TLK2: variants seen among roughly 807,000 people sequenced by gnomAD.
The protein encoded by TLK2 is tousled like kinase 2.
In TLK2, 6 loss-of-function variants were observed where a neutral mutation model predicts 117.3. The observed-to-expected ratio is 0.05, with a 90% CI of 0.03 to 0.10. TLK2 has a LOEUF of 0.10. Ranked by LOEUF, TLK2 falls within the 10% of genes least tolerant of loss-of-function variation. TLK2 has a pLI of 1.00. For synonymous variants in TLK2, 257 were observed against 316.7 expected, an observed-to-expected ratio of 0.81 and a Z score of 2.00; for missense variants, 299 against 901.2, an observed-to-expected ratio of 0.33 and a Z score of 8.56.
intron 6 of TLK2, among the ~76,000 whole-genome samples, chr17:62,532,251 G>C (rs2076794111): frequency 6.6e-6 from 1 of 151,972 alleles, no homozygotes; most frequent in Non-Finnish European, 1.5e-5. Flanking sequence ...GGGAGACGTT[G>C]GTTCAAACAG....
intron 17 of TLK2, among the ~76,000 whole-genome samples, chr17:62,597,724 A>G (rs182607880): frequency 5.6e-4 from 85 of 152,262 alleles, no homozygotes; most frequent in Non-Finnish European, 8.7e-4. Context: ...TTATAGGTGG[A>G]TTTTGAGGAC....
At chr17:62,559,148 T>A (rs2079067180) in intron 9 of TLK2, among the ~76,000 whole-genome samples, 1 of 152,176 alleles carries the variant, frequency 6.6e-6, no homozygotes, top group Admixed American at 6.5e-5. Flanking sequence ...ACAGCTAAAT[T>A]AGCTGTATAT....
intron 6 of TLK2, among the ~76,000 whole-genome samples, chr17:62,529,549 A>T (rs1158295357): frequency 1.3e-5 from 2 of 152,218 alleles, no homozygotes; most frequent in African/African-American, 2.4e-5. Context: ...CCTTTGCTTT[A>T]AATGTGGTTT....
chr17:62,500,731 A>G (rs2074116017), intron 2 of TLK2, among the ~76,000 whole-genome samples: 1 of 152,216 alleles, frequency 6.6e-6, no homozygotes, highest in Admixed American at 6.5e-5. Context: ...CATTTCAACA[A>G]ATTTAAAAGG....
At chr17:62,489,990 C>T (rs2072935477) in intron 2 of TLK2, among the ~76,000 whole-genome samples, 1 of 152,260 alleles carries the variant, frequency 6.6e-6, no homozygotes, top group East Asian at 1.9e-4. Context: ...ACCACCACGC[C>T]TGGCTAATTT....
intron 7 of TLK2, among the ~76,000 whole-genome samples, chr17:62,546,649 A>G (rs1046287631): frequency 5.4e-5 from 8 of 148,310 alleles, no homozygotes; most frequent in Non-Finnish European, 1.2e-4. Flanking sequence ...TCTGCCACCC[A>G]GGTTCAAGCG....
At chr17:62,561,082 G>A (rs188871346) in intron 10 of TLK2, among the ~76,000 whole-genome samples, 16 of 152,046 alleles carry the variant, frequency 1.1e-4, no homozygotes, top group Non-Finnish European at 1.9e-4. Context: ...GCAGTGTTTG[G>A]TTTTTTTGTC....
chr17:62,510,974 A>G (rs1230369248), intron 2 of TLK2, among the ~76,000 whole-genome samples: 2 of 152,200 alleles, frequency 1.3e-5, no homozygotes, highest in Non-Finnish European at 2.9e-5. Context: ...AATCTTTTTT[A>G]TTTCAGAGTA....
At chr17:62,537,272 A>G (rs2077181264) in intron 7 of TLK2, among the ~76,000 whole-genome samples, 1 of 152,254 alleles carries the variant, frequency 6.6e-6, no homozygotes, top group Non-Finnish European at 1.5e-5. Flanking sequence ...AATAGAAATA[A>G]TAAAACAGTT....
intron 6 of TLK2, among the ~76,000 whole-genome samples, chr17:62,533,001 TA>T (rs2076845442): frequency 6.6e-6 from 1 of 152,150 alleles, no homozygotes. Context: ...TACCTTGTTT[TA>T]ACTTGCATTT....
chr17:62,545,225 C>T (rs149915027), intron 7 of TLK2, among the ~76,000 whole-genome samples: 3,082 of 152,244 alleles, frequency 0.02, 100 homozygotes, highest in African/African-American at 0.07. Context: ...GATGGTTTCA[C>T]CATGTTGACC....
chr17:62,511,003 G>A (rs1014882857), intron 2 of TLK2, among the ~76,000 whole-genome samples: 1 of 152,182 alleles, frequency 6.6e-6, no homozygotes, highest in African/African-American at 2.4e-5. Flanking sequence ...TTGGCAGGAA[G>A]TTGCACAAAA....
At chr17:62,543,465 A>T (rs976684738) in intron 7 of TLK2, among the ~76,000 whole-genome samples, 1 of 152,326 alleles carries the variant, frequency 6.6e-6, no homozygotes, top group Admixed American at 6.5e-5. Flanking sequence ...CCGCAGCAGT[A>T]CATTCCAATT....
Position 62,586,148 on chromosome 17 carries a change from C to G in TLK2, c.1382C>G (p.Thr461Arg). The G allele has an allele frequency of 6.2e-7, 1 of 1,612,342 alleles. No individual in the cohort carries two copies. Among genetic ancestry groups the G allele is most frequent in the East Asian group, 2.2e-5 (1 of 44,798 alleles). ...TTCTCTTTATAGGCATTTGATCTAA[C>G]AGAGCAAAGATACGTAGCTGTGAAA... ...FSEVYKAFDL[T>R]EQRYVAVKIH... Residue 461 changes from threonine to arginine, a missense_variant, in exon 16 of 22, where the codon ACA becomes AGA. This residue lies in a region of TLK2 where 81 missense variants were observed against 370.9 expected (regional missense o/e 0.22). Transcript: ENST00000346027.
At chr17:62,507,878 A>G (rs974797250) in intron 2 of TLK2, among the ~76,000 whole-genome samples, 10 of 151,972 alleles carry the variant, frequency 6.6e-5, no homozygotes, top group African/African-American at 2.4e-4. Flanking sequence ...TAGAAAAAAA[A>G]GTACATTTTA....
intron 2 of TLK2, among the ~76,000 whole-genome samples, chr17:62,514,873 C>T (rs2145361623): frequency 6.6e-6 from 1 of 152,334 alleles, no homozygotes; most frequent in South Asian, 2.1e-4. Context: ...GCCACCGCGC[C>T]CAGCCCTGAG....
rs747144089 is a variant in TLK2, at chr17:62,524,216, G to A, written c.268-20G>A. 5.6e-6 allele frequency: 9 copies of A among 1,613,748 alleles called. No homozygotes were observed. Among genetic ancestry groups the A allele is most frequent in the Admixed American group, 1.7e-5 (1 of 60,000 alleles). ...AGTACTGTTTTGAATTATTCATATC[G>A]GTTTTTCCCTGTTGGCCAGTTTGCT... On this transcript the variant is annotated intron_variant, in intron 5 of 21. Transcript: ENST00000346027.
chr17:62,483,311 A>G (rs905294932), intron 2 of TLK2, among the ~76,000 whole-genome samples: 29 of 152,012 alleles, frequency 1.9e-4, no homozygotes, highest in African/African-American at 6.8e-4. Context: ...GTATTCAAGT[A>G]TACTTTTGAT....
At chr17:62,574,407 TTAGGTGAGATGAA>T (rs1399812015) in intron 12 of TLK2, 1 of 1,310,594 alleles carries the variant, frequency 7.6e-7, no homozygotes, top group Non-Finnish European at 1.1e-6. Flanking sequence ...CACAGTTTAC[TTAGGTGAGATGAA>T]CAGACGAATA....
Sources: allele counts gnomAD v4.1 joint callset (sites outside exome capture counted in the v4.1 genomes callset), GRCh38; gene constraint gnomAD v4.1.1; regional missense constraint gnomAD v4.1.1; transcripts MANE v1.5; gene names NCBI Gene and HGNC (gene_info 2026-07-23, HGNC 2026-07-21).